The following STT3B variants were observed in gnomAD, a reference collection of about 807,000 sequenced individuals.
The protein encoded by STT3B is dolichyl-diphosphooligosaccharide--protein glycosyltransferase subunit STT3B.
STT3B carries 29 observed loss-of-function variants against 96.8 expected under a neutral mutation model. The ratio of observed to expected loss-of-function variants is 0.30; its 90% CI spans 0.22 to 0.41. The LOEUF is 0.41. Ranked by LOEUF, STT3B falls within the 10% of genes least tolerant of loss-of-function variation. The probability of loss-of-function intolerance (pLI) is 1.00; values close to 1 mark genes in which losing one functional copy is unlikely to be tolerated. For synonymous variants in STT3B, 367 were observed against 360.0 expected (o/e 1.02, Z -0.22); for missense variants, 640 against 1,022.3 (o/e 0.63, Z 5.10).
chr3:31,535,277 T>A (rs569632483), intron 1 of STT3B, among the ~76,000 whole-genome samples: 1 of 152,064 alleles, frequency 6.6e-6, no homozygotes, highest in Non-Finnish European at 1.5e-5. Context: ...AATGCAATAA[T>A]GAAAAGGCTC....
chr3:31,552,414 A>G (rs897173606), intron 1 of STT3B, among the ~76,000 whole-genome samples: 1 of 152,206 alleles, frequency 6.6e-6, no homozygotes, highest in African/African-American at 2.4e-5. Flanking sequence ...AAGGAACATG[A>G]TACAATGAGA....
intron 4 of STT3B, among the ~76,000 whole-genome samples, chr3:31,597,734 T>C (rs927925451): frequency 3.9e-5 from 6 of 152,170 alleles, no homozygotes; most frequent in Non-Finnish European, 5.9e-5. Context: ...ACTGGGATTA[T>C]AGGCAAGAGC....
chr3:31,622,768 C>CT (rs1699455944), intron 10 of STT3B, among the ~76,000 whole-genome samples: 1 of 152,040 alleles, frequency 6.6e-6, no homozygotes, highest in Admixed American at 6.6e-5. Flanking sequence ...AGCAAAATGC[C>CT]TTTTTTAAAA....
At chr3:31,571,929 ATATATAT>A (rs1698149406) in intron 1 of STT3B, among the ~76,000 whole-genome samples, 1 of 85,132 alleles carries the variant, frequency 1.2e-5, no homozygotes, top group Non-Finnish European at 3.2e-5. Context: ...ATTATATATC[ATATATAT>A]TATATATAAT....
At chr3:31,624,798 A>T in intron 11 of STT3B, 116 bp from the exon 12 acceptor site, 2 of 742,064 alleles carry the variant, frequency 2.7e-6, no homozygotes, top group Non-Finnish European at 4.3e-6. Context: ...GCTTTTACTT[A>T]ATAACTACCA....
Position 31,624,961 on chromosome 3 carries a change from G to A in STT3B, c.1775G>A (p.Arg592Lys). The A allele has an allele frequency of 6.2e-7, 1 of 1,613,124 alleles. No individual in the cohort carries two copies. Among genetic ancestry groups the A allele is most frequent in the Non-Finnish European group, 8.5e-7 (1 of 1,179,578 alleles). Residue 592 changes from arginine (R) to lysine (K), a missense_variant, in exon 12 of 16, where the codon AGG becomes AAG. This residue lies in a region of STT3B where 149 missense variants were observed against 250.2 expected (regional missense o/e 0.60). Coordinates refer to ENST00000295770, the MANE Select transcript of STT3B (RefSeq NM_178862.3). ...TTTAGAGAAGCTTACTTTTGGCTAA[G>A]GCAAAATACAGATGAACATGCACGA... Reference protein sequence around the residue: ...DDFREAYFWLRQNTDEHARVM... With the variant: ...DDFREAYFWLKQNTDEHARVM...
At position 31,564,662 on chromosome 3, in the gene STT3B, A is replaced by G. The variant is rs1427620252; in HGVS notation, c.315-11734A>G. Among the ~76,000 whole-genome samples the G allele has an allele frequency of 2.6e-5, 4 of 152,202 alleles. No individual in the cohort carries two copies. In the East Asian group the frequency reaches 5.8e-4, roughly 22 times the overall value. On this transcript the variant is annotated intron_variant, in intron 1 of 15. Transcript: ENST00000295770. Reference sequence around the variant, plus strand: ...GGTTTCTTTTCTCAAGGACCTTCCAATCCAGTGGAGGAGACAAATCTGTAA... The same window carrying G: ...GGTTTCTTTTCTCAAGGACCTTCCAGTCCAGTGGAGGAGACAAATCTGTAA...
chr3:31,573,468 T>A (rs1211033681), intron 1 of STT3B, among the ~76,000 whole-genome samples: 1 of 152,272 alleles, frequency 6.6e-6, no homozygotes, highest in Non-Finnish European at 1.5e-5. Flanking sequence ...GAAAATAGTA[T>A]ACAGATTTCA....
chr3:31,547,592 G>A (rs1697447520), intron 1 of STT3B, among the ~76,000 whole-genome samples: 1 of 152,218 alleles, frequency 6.6e-6, no homozygotes, highest in African/African-American at 2.4e-5. Flanking sequence ...GTTGCAGTGA[G>A]CTGAGATCGT....
chr3:31,557,366 C>G (rs1697745663), intron 1 of STT3B, among the ~76,000 whole-genome samples: 1 of 152,034 alleles, frequency 6.6e-6, no homozygotes, highest in South Asian at 2.1e-4. Context: ...TTCCTTGGTT[C>G]TTTATTAATT....
chr3:31,623,543 G>A (rs1699472502), intron 10 of STT3B, 131 bp from the exon 11 acceptor site: 1 of 679,064 alleles, frequency 1.5e-6, no homozygotes, highest in Non-Finnish European at 2.4e-6. Flanking sequence ...AAGAATATCT[G>A]ATGGTTATAC....
rs572668200 is a variant in STT3B at position 31,636,691 on chromosome 3, T to C, written c.*627T>C. On this transcript the variant is annotated 3_prime_UTR_variant, in exon 16 of 16. Transcript: ENST00000295770. ...CCTCTGAGTAGCTAATTGATTCAAGTAGTTTTTTTATGTTGACACATTATT... is the reference window on the plus strand; with the variant it reads ...CCTCTGAGTAGCTAATTGATTCAAGCAGTTTTTTTATGTTGACACATTATT... The C allele has an allele frequency of 6.6e-6, 1 of 152,332 alleles. No individual in the cohort carries two copies. The highest frequency in any genetic ancestry group is 1.9e-4 in the East Asian group (1 of 5,186). The allele number at this position is 152,332 out of a possible 1,614,324, so 9.4% of individuals were successfully genotyped here.
intron 3 of STT3B, among the ~76,000 whole-genome samples, chr3:31,595,769 C>T (rs73824200): frequency 0.031 from 4,660 of 152,276 alleles, 256 homozygotes; most frequent in African/African-American, 0.11. Flanking sequence ...ACCTATACTT[C>T]TTCCATCTGT....
At chr3:31,604,005 C>T (rs968571307) in intron 5 of STT3B, among the ~76,000 whole-genome samples, 1 of 151,990 alleles carries the variant, frequency 6.6e-6, no homozygotes, top group African/African-American at 2.4e-5. Context: ...AATTGTACCT[C>T]AAGGGCTGCA....
At chr3:31,546,642 C>G (rs542069002) in intron 1 of STT3B, among the ~76,000 whole-genome samples, 4 of 152,310 alleles carry the variant, frequency 2.6e-5, no homozygotes, top group African/African-American at 7.2e-5. Flanking sequence ...TTTGGAAACA[C>G]TTACCACAAT....
chr3:31,543,993 GAAGT>G (rs1477189697), intron 1 of STT3B, among the ~76,000 whole-genome samples: 39 of 152,288 alleles, frequency 2.6e-4, no homozygotes, highest in Non-Finnish European at 2.1e-4. Flanking sequence ...GACAGCAATA[GAAGT>G]AAAATTCACA....
At chr3:31,602,373 G>A (rs944074930) in intron 5 of STT3B, among the ~76,000 whole-genome samples, 10 of 151,932 alleles carry the variant, frequency 6.6e-5, no homozygotes, top group African/African-American at 2.4e-4. Context: ...TGCTGTTGTT[G>A]TTGTTTTGTG....
intron 2 of STT3B, among the ~76,000 whole-genome samples, chr3:31,577,869 A>G (rs964852310): frequency 1.3e-5 from 2 of 152,106 alleles, no homozygotes; most frequent in Non-Finnish European, 2.9e-5. Flanking sequence ...TTTGATAACT[A>G]TAGTTTTTCT....
At chr3:31,634,231 T>G (rs889177098) in intron 15 of STT3B, among the ~76,000 whole-genome samples, 2 of 152,142 alleles carry the variant, frequency 1.3e-5, no homozygotes, top group South Asian at 4.1e-4. Context: ...GTCACAGGCA[T>G]GAGGTAGGAG....
Sources: gnomAD v4.1 joint callset for allele counts (sites outside exome capture counted in the v4.1 genomes callset) on GRCh38, gnomAD v4.1.1 for gene constraint, gnomAD v4.1.1 regional missense constraint, MANE v1.5 for transcripts, NCBI Gene and HGNC (gene_info 2026-07-23, HGNC 2026-07-21) for gene names.